Variants in PRUNE2 observed in about 807,000 individuals in gnomAD.
PRUNE2 encodes protein prune homolog 2.
Under a neutral mutation model 252.0 loss-of-function variants are expected in PRUNE2, and 164 were observed. The ratio of observed to expected loss-of-function variants is 0.65; its 90% confidence interval spans 0.57 to 0.74. The LOEUF is 0.74. Ranked by LOEUF, PRUNE2 falls within the 30% of genes least tolerant of loss-of-function variation. PRUNE2 has a pLI of 0.00. For synonymous variants in PRUNE2, 1,292 were observed against 1,350.2 expected, an observed-to-expected ratio of 0.96 and a Z score of 0.94; for missense variants, 3,495 against 3,711.0, an observed-to-expected ratio of 0.94 and a Z score of 1.51.
At chr9:76,630,142 T>G (rs2132344644) in intron 15 of PRUNE2, among the ~76,000 whole-genome samples, 1 of 152,330 alleles carries the variant, frequency 6.6e-6, no homozygotes, top group Non-Finnish European at 1.5e-5. Flanking sequence ...TTTACTTATT[T>G]GTTTGTAACA....
chr9:76,656,652 G>A (rs1286119676), intron 9 of PRUNE2, among the ~76,000 whole-genome samples: 1 of 152,080 alleles, frequency 6.6e-6, no homozygotes, highest in Non-Finnish European at 1.5e-5. Flanking sequence ...ACTATGTGCC[G>A]AGGATATAGA....
At chr9:76,881,923 T>C (rs2061814938) in intron 1 of PRUNE2, among the ~76,000 whole-genome samples, 1 of 152,100 alleles carries the variant, frequency 6.6e-6, no homozygotes, top group Non-Finnish European at 1.5e-5. Context: ...ACCTGGCCCT[T>C]TTCTGGGCAT....
At position 76,707,377 on chromosome 9, in the gene PRUNE2, A is replaced by G; in HGVS notation, c.4897T>C (p.Ser1633Pro). 6.2e-7 allele frequency: 1 copy of G among 1,614,002 alleles called. No homozygotes were observed. The change falls in exon 8 of 19, where the codon TCC becomes CCC. Residue 1633 changes from serine to proline, a missense_variant. Physicochemically the swap from Ser to Pro is moderately conservative, Grantham distance 74. Coordinates refer to ENST00000376718, the MANE Select transcript of PRUNE2 (RefSeq NM_015225.3). ...EIWNDSVDGD[S>P]FSSLSSPETG... Reference sequence around the variant, plus strand: ...TCAGGACTGGATAAAGAGGAAAAGGAATCACCATCAACTGAGTCATTCCAG... The same window carrying G: ...TCAGGACTGGATAAAGAGGAAAAGGGATCACCATCAACTGAGTCATTCCAG...
At chr9:76,648,873 T>C (rs776915621) in intron 11 of PRUNE2, among the ~76,000 whole-genome samples, 3 of 152,218 alleles carry the variant, frequency 2.0e-5, no homozygotes, top group Non-Finnish European at 4.4e-5. Flanking sequence ...ATAAATTTGA[T>C]ATTACTTTCT....
At chr9:76,664,002 C>T (rs1444720397) in intron 9 of PRUNE2, among the ~76,000 whole-genome samples, 1 of 152,224 alleles carries the variant, frequency 6.6e-6, no homozygotes, top group African/African-American at 2.4e-5. Flanking sequence ...TTCCTCTACG[C>T]AGATCCGCTA....
intron 6 of PRUNE2, among the ~76,000 whole-genome samples, chr9:76,794,309 A>G (rs1173061365): frequency 6.6e-6 from 1 of 152,160 alleles, no homozygotes; most frequent in Non-Finnish European, 1.5e-5. Flanking sequence ...GGAGGCAGTA[A>G]GGTGGTGGCA....
rs1478085876 is a variant in PRUNE2, at chr9:76,612,587, G to C, written c.*1983C>G. The C allele has an allele frequency of 6.6e-6, 1 of 152,264 alleles. No individual in the cohort carries two copies. Among genetic ancestry groups the C allele is most frequent in the Non-Finnish European group, 1.5e-5 (1 of 68,100 alleles). The allele number at this position is 152,264 out of a possible 1,614,324, so 9.4% of individuals were successfully genotyped here. On this transcript the variant is annotated 3_prime_UTR_variant, in exon 19 of 19. Coordinates refer to ENST00000376718, the MANE Select transcript of PRUNE2 (RefSeq NM_015225.3). ...TCAAAAGTGGAGGTGGGCTGTGGGA[G>C]GGGGTGGGCTGTAGGGTTTTTCTGT...
intron 18 of PRUNE2, 57 bp downstream of exon 18, chr9:76,619,282 GC>G: frequency 8.6e-7 from 1 of 1,158,430 alleles, no homozygotes; most frequent in East Asian, 2.4e-5. Flanking sequence ...TTCTTTCAGA[GC>G]CCAGCCATAC....
intron 9 of PRUNE2, among the ~76,000 whole-genome samples, chr9:76,670,993 C>T (rs1015115797): frequency 3.3e-5 from 5 of 152,270 alleles, no homozygotes; most frequent in South Asian, 2.1e-4. Context: ...AAAAGCAGAG[C>T]GCCTCTCCTC....
chr9:76,854,719 A>C (rs1465555720), intron 1 of PRUNE2, among the ~76,000 whole-genome samples: 7 of 152,090 alleles, frequency 4.6e-5, no homozygotes, highest in Non-Finnish European at 7.3e-5. Flanking sequence ...TAGTAAATGA[A>C]ACTTGTAACA....
chr9:76,703,405 G>A lies in PRUNE2; in HGVS notation c.8208C>T (p.Ile2736=). The change falls in exon 9 of 19, where the codon ATC becomes ATT. Residue 2736 remains isoleucine, a synonymous_variant. Transcript: ENST00000376718. ...LSPQPVQKNM[I]PDTEMEEETE... Reference sequence around the variant, plus strand: ...TCTCCTCCTCCATTTCCGTGTCAGGGATCATGTTTTTCTGAACAGGCTGTG... The same window carrying A: ...TCTCCTCCTCCATTTCCGTGTCAGGAATCATGTTTTTCTGAACAGGCTGTG... 1 of 1,613,420 alleles carries A rather than the reference G, an allele frequency of 6.2e-7. No individual in the cohort carries two copies. The highest frequency in any genetic ancestry group is 1.1e-5 in the South Asian group (1 of 91,034).
chr9:76,614,377 A>C lies in PRUNE2; in HGVS notation c.*193T>G. The C allele has an allele frequency of 3.3e-6, 2 of 607,916 alleles. No homozygotes were observed. The highest frequency in any genetic ancestry group is 5.8e-6 in the Non-Finnish European group (2 of 345,872). 37.7% of individuals were successfully genotyped at this position (607,916 alleles called of 1,614,324 possible). ...AATCTTTGAGGCACATAATTGGCAA[A>C]ATAGGAAAGTACACACAATTTCATA... On this transcript the variant is annotated 3_prime_UTR_variant, in exon 19 of 19. Transcript: ENST00000376718.
chr9:76,807,393 T>C (rs2057043993), intron 6 of PRUNE2, among the ~76,000 whole-genome samples: 1 of 152,144 alleles, frequency 6.6e-6, no homozygotes, highest in Admixed American at 6.5e-5. Flanking sequence ...TGTACTATGA[T>C]CTTTGCTTTC....
chr9:76,789,675 T>C (rs1201703310), intron 6 of PRUNE2, among the ~76,000 whole-genome samples: 1 of 152,136 alleles, frequency 6.6e-6, no homozygotes, highest in Non-Finnish European at 1.5e-5. Flanking sequence ...CCCCACACAC[T>C]TATGGCTGGG....
At chr9:76,712,774 T>C (rs1452427156) in intron 7 of PRUNE2, among the ~76,000 whole-genome samples, 2 of 152,066 alleles carry the variant, frequency 1.3e-5, no homozygotes, top group African/African-American at 4.8e-5. Flanking sequence ...GAGGAGGAGA[T>C]GCTCTTTCAC....
Position 76,703,791 on chromosome 9 carries a change from C to A in PRUNE2, c.7822G>T (p.Gly2608Cys). The stretch of plus-strand genomic sequence containing the variant: ...GAAGACATTTTCTCTGCAGAGAGAC[C>A]TTTTCTTTCATTTAAGGAGGCTGGC... ...CQPASLNERKGLSAEKMSSKS... is the reference protein window; with the variant it reads ...CQPASLNERKCLSAEKMSSKS... The change falls in exon 9 of 19, where the codon GGT (glycine) becomes TGT (cysteine). Residue 2608 changes from glycine to cysteine, a missense_variant. Coordinates refer to ENST00000376718, the MANE Select transcript of PRUNE2 (RefSeq NM_015225.3). The A allele has an allele frequency of 6.2e-7, 1 of 1,613,832 alleles. No individual in the cohort carries two copies.
intron 1 of PRUNE2, among the ~76,000 whole-genome samples, chr9:76,881,635 T>TTC (rs1564498094): frequency 1.3e-5 from 2 of 150,036 alleles, no homozygotes; most frequent in African/African-American, 5.0e-5. Flanking sequence ...TTTTTTTTTT[T>TTC]CCCCAAGATG....
Position 76,823,726 on chromosome 9 carries a change from C to T in PRUNE2, c.662G>A (p.Gly221Asp). The T allele has an allele frequency of 6.3e-7, 1 of 1,583,906 alleles. No individual in the cohort carries two copies. Among genetic ancestry groups the T allele is most frequent in the Non-Finnish European group, 8.6e-7 (1 of 1,156,462 alleles). The stretch of plus-strand genomic sequence containing the variant: ...CAACATTGTCTGTTCAATACTTAAA[C>T]CTGTGGATGACAGGAAAAAAAAACA... ...VLQETQFSAQGLSIEQTMLKD... is the reference protein window; with the variant it reads ...VLQETQFSAQDLSIEQTMLKD... Residue 221 changes from glycine (G) to aspartate (D), a missense_variant and splice_region_variant, in exon 6 of 19, where the codon GGT becomes GAT. Coordinates refer to ENST00000376718, the MANE Select transcript of PRUNE2 (RefSeq NM_015225.3).
intron 6 of PRUNE2, among the ~76,000 whole-genome samples, chr9:76,795,576 A>G (rs2056018138): frequency 6.6e-6 from 1 of 152,136 alleles, no homozygotes; most frequent in Admixed American, 6.5e-5. Flanking sequence ...CCCAAAAGTG[A>G]TGTGATCATG....
Sources: gnomAD v4.1 joint callset for allele counts (sites outside exome capture counted in the v4.1 genomes callset) on GRCh38, gnomAD v4.1.1 for gene constraint, MANE v1.5 for transcripts, NCBI Gene and HGNC (gene_info 2026-07-23, HGNC 2026-07-21) for gene names.